MBP: variants seen among roughly 807,000 people sequenced by gnomAD.
MBP encodes myelin basic protein.
A neutral mutation model predicts 35.8 loss-of-function variants in MBP; 16 were observed. That is an observed-to-expected ratio of 0.45 (90% CI 0.30 to 0.68). The LOEUF (loss-of-function observed/expected upper bound fraction) is 0.68. Ranked by LOEUF, MBP falls within the 30% of genes least tolerant of loss-of-function variation. The pLI is 0.08. For synonymous variants in MBP, 143 were observed against 159.6 expected, an observed-to-expected ratio of 0.90 and a Z score of 0.78; for missense variants, 380 against 404.7, an observed-to-expected ratio of 0.94 and a Z score of 0.52.
intron 2 of MBP, among the ~76,000 whole-genome samples, chr18:77,087,929 G>C (rs933374304): frequency 6.6e-6 from 1 of 152,080 alleles, no homozygotes; most frequent in Admixed American, 6.5e-5. Context: ...AGGGGTCTCC[G>C]GGGACTTCCA....
intron 7 of MBP, chr18:76,985,593 G>T: frequency 9.2e-7 from 1 of 1,081,446 alleles, no homozygotes; most frequent in Non-Finnish European, 1.1e-6. Context: ...CTGCTGAGCC[G>T]GACAGAGGGA....
chr18:77,016,146 T>C (rs763343509), intron 4 of MBP: 7 of 944,110 alleles, frequency 7.4e-6, no homozygotes, highest in African/African-American at 2.5e-5. Context: ...CTGGACCCCA[T>C]AGCAGAGTTT....
chr18:77,034,551 C>T (rs900627964), intron 3 of MBP, among the ~76,000 whole-genome samples: 1 of 152,224 alleles, frequency 6.6e-6, no homozygotes, highest in Non-Finnish European at 1.5e-5. Context: ...ATTTGCTACA[C>T]GGCAATAGAA....
intron 2 of MBP, among the ~76,000 whole-genome samples, chr18:77,090,930 C>T (rs1213619602): frequency 1.3e-5 from 2 of 152,198 alleles, no homozygotes; most frequent in Non-Finnish European, 2.9e-5. Flanking sequence ...AGGAAGAGTT[C>T]CCGTGCTGGC....
chr18:77,056,548 C>T (rs8091710), intron 3 of MBP, among the ~76,000 whole-genome samples: 14,038 of 152,158 alleles, frequency 0.092, 873 homozygotes, highest in African/African-American at 0.18. Context: ...CTGTGGTAAG[C>T]GCTAATCTGC....
intron 2 of MBP, among the ~76,000 whole-genome samples, chr18:77,082,697 A>C (rs1313443163): frequency 1.5e-5 from 1 of 65,522 alleles, no homozygotes; most frequent in East Asian, 5.5e-4. Context: ...CAGCTGGACC[A>C]GGTGGTCTAG....
At chr18:77,069,295 C>G (rs886496543) in intron 2 of MBP, among the ~76,000 whole-genome samples, 3 of 152,190 alleles carry the variant, frequency 2.0e-5, no homozygotes, top group African/African-American at 7.2e-5. Context: ...TCAGAAGACA[C>G]TAAAACTTGG....
intron 3 of MBP, among the ~76,000 whole-genome samples, chr18:77,031,609 T>G (rs1388652930): frequency 6.6e-6 from 1 of 152,250 alleles, no homozygotes; most frequent in Non-Finnish European, 1.5e-5. Context: ...TTGATGTCTT[T>G]AACACTGGGT....
At chr18:77,059,436 G>T (rs1411735423) in intron 3 of MBP, among the ~76,000 whole-genome samples, 2 of 150,940 alleles carry the variant, frequency 1.3e-5, no homozygotes, top group Non-Finnish European at 3.0e-5. Flanking sequence ...TAATTATAAT[G>T]AATTTAAATT....
chr18:77,131,604 G>A lies in MBP; in HGVS notation c.-26+976C>T, dbSNP rs140879376. ...CCTGTTTCCAGCCAGAGTCGCACGG[G>A]GGTCCCCAAAGACGCTTGAACCTTT... On this transcript the variant is annotated intron_variant, in intron 1 of 8. Coordinates refer to ENST00000355994, the MANE Select transcript of MBP (RefSeq NM_001025101.2). This position sits in a 1 kb window ranked among gnomAD's most constrained non-coding sequence, Gnocchi z 5.5. 0.016 allele frequency: 2,419 copies of A among 152,228 alleles called. 31 individuals carry two copies. Among genetic ancestry groups the A allele is most frequent in the Non-Finnish European group, 0.024 (1,634 of 68,042 alleles). The allele number at this position is 152,228 out of a possible 1,614,324, so 9.4% of individuals were successfully genotyped here. A position where few individuals can be genotyped will look rare whatever the true frequency, so the allele number is the denominator to read the frequency against.
intron 3 of MBP, among the ~76,000 whole-genome samples, chr18:77,055,568 C>A (rs1376758748): frequency 6.7e-6 from 1 of 148,584 alleles, no homozygotes; most frequent in African/African-American, 2.4e-5. Flanking sequence ...TCCTTCCTTC[C>A]TTTTCTTTCT....
chr18:76,984,679 G>T, intron 8 of MBP, 96 bp downstream of exon 8: 1 of 1,563,298 alleles, frequency 6.4e-7, no homozygotes, highest in South Asian at 1.1e-5. Flanking sequence ...CAGTGCGGCT[G>T]AGCCAGAGGC....
At chr18:77,072,445 G>C (rs1349115850) in intron 2 of MBP, among the ~76,000 whole-genome samples, 1 of 152,092 alleles carries the variant, frequency 6.6e-6, no homozygotes, top group Non-Finnish European at 1.5e-5. Flanking sequence ...CCAAGACCTC[G>C]GGCTCTCTGA....
chr18:77,123,060 A>G (rs1599283408), intron 1 of MBP, among the ~76,000 whole-genome samples: 2 of 152,280 alleles, frequency 1.3e-5, no homozygotes, highest in East Asian at 1.9e-4. Context: ...AATGACATCT[A>G]TTTTCTCTTA....
intron 3 of MBP, among the ~76,000 whole-genome samples, chr18:77,062,802 T>A (rs187221281): frequency 6.6e-6 from 1 of 152,308 alleles, no homozygotes; most frequent in Admixed American, 6.5e-5. Flanking sequence ...CGCCAATCAG[T>A]CTTAACTCGG....
At chr18:77,016,276 A>G in intron 4 of MBP, 4 of 986,108 alleles carry the variant, frequency 4.1e-6, no homozygotes, top group Non-Finnish European at 3.6e-6. Context: ...ACACTCATTT[A>G]TCCCTCCCCC....
intron 4 of MBP, among the ~76,000 whole-genome samples, chr18:76,999,208 G>C (rs1207201838): frequency 1.3e-5 from 2 of 152,238 alleles, no homozygotes; most frequent in East Asian, 3.9e-4. Context: ...AGGGGGTGAA[G>C]GTGAACTCAA....
intron 3 of MBP, among the ~76,000 whole-genome samples, chr18:77,048,012 G>T (rs991301521): frequency 6.6e-6 from 1 of 152,236 alleles, no homozygotes; most frequent in African/African-American, 2.4e-5. Context: ...TGATGATTAC[G>T]CAATGCCAGT....
At chr18:76,987,218 A>C (rs1051526821) in intron 7 of MBP, 1 of 985,352 alleles carries the variant, frequency 1.0e-6, no homozygotes, top group Non-Finnish European at 1.2e-6. Flanking sequence ...GAGCAGATAA[A>C]GCAGTAGCTA....
Sources: allele counts gnomAD v4.1 joint callset (sites outside exome capture counted in the v4.1 genomes callset), GRCh38; gene constraint gnomAD v4.1.1; non-coding constraint Gnocchi (gnomAD v3.1); transcripts MANE v1.5; gene names NCBI Gene and HGNC (gene_info 2026-07-23, HGNC 2026-07-21).